EIF4E2: variants seen among roughly 807,000 people sequenced by gnomAD.
The protein encoded by EIF4E2 is eukaryotic translation initiation factor 4E type 2.
EIF4E2 carries 13 observed loss-of-function variants against 34.2 expected under a neutral mutation model. That is an observed-to-expected ratio of 0.38 (90% confidence interval 0.25 to 0.60). The LOEUF (loss-of-function observed/expected upper bound fraction) is 0.60, where lower values mean the gene tolerates loss of function less well. EIF4E2 is among the 20% of genes least tolerant of loss of function. The pLI is 0.62. For synonymous variants in EIF4E2, 100 were observed against 106.6 expected, an observed-to-expected ratio of 0.94 and a Z score of 0.38; for missense variants, 222 against 315.1, an observed-to-expected ratio of 0.70 and a Z score of 2.24.
Position 232,576,851 on chromosome 2 carries a change from T to C in EIF4E2, c.666-4053T>C, listed in dbSNP as rs572908800. ...CTCTCCCTTTTCTTTTTCCTCCAAA[T>C]AGATTGTGATCTATGAAGAAATTTG... On this transcript the variant is annotated intron_variant, in intron 6 of 6. Coordinates refer to the EIF4E2 transcript ENST00000409098. Among the ~76,000 whole-genome samples the C allele has an allele frequency of 3.9e-5, 6 of 152,344 alleles. No homozygotes were observed. In the South Asian group the frequency reaches 1.2e-3, roughly 32 times the overall value.
intron 1 of EIF4E2, among the ~76,000 whole-genome samples, chr2:232,555,173 C>G (rs946021256): frequency 7.2e-5 from 11 of 152,178 alleles, no homozygotes; most frequent in Non-Finnish European, 2.9e-5. Context: ...ATACAAAGTA[C>G]CCTGCAACAT....
At chr2:232,576,080 T>C (rs940626446) in intron 6 of EIF4E2, among the ~76,000 whole-genome samples, 28 of 152,216 alleles carry the variant, frequency 1.8e-4, no homozygotes, top group Middle Eastern at 3.4e-3. Flanking sequence ...GGCACACACC[T>C]GTTGTCCCAG....
At position 232,566,381 on chromosome 2, in the gene EIF4E2, G is replaced by A. The variant is rs1330844536; in HGVS notation, c.376-448G>A. Among the ~76,000 whole-genome samples, 4 of 152,130 alleles carry A rather than the reference G, an allele frequency of 2.6e-5. No homozygotes were observed. Among genetic ancestry groups the A allele is most frequent in the Admixed American group, 2.0e-4 (3 of 15,278 alleles). On this transcript the variant is annotated intron_variant, in intron 4 of 6. Coordinates refer to ENST00000258416, the MANE Select transcript of EIF4E2 (RefSeq NM_004846.4). The surrounding 1 kb of genome is among the most constrained non-coding windows in gnomAD (Gnocchi z 4.9). ...TTGTTTTTGTATTTTTAGTAGAGAC[G>A]CGGTTTCACCGTGTCAGCCAGGATG... is the stretch of plus-strand genomic sequence containing the variant.
chr2:232,554,068 CAGA>C (rs780842766), intron 1 of EIF4E2, among the ~76,000 whole-genome samples: 3 of 152,258 alleles, frequency 2.0e-5, no homozygotes, highest in Non-Finnish European at 4.4e-5. Context: ...TGGGCCTAAG[CAGA>C]AGAACCTTTG....
chr2:232,555,399 G>C (rs1559312670), intron 1 of EIF4E2, among the ~76,000 whole-genome samples: 1 of 152,184 alleles, frequency 6.6e-6, no homozygotes, highest in Non-Finnish European at 1.5e-5. Flanking sequence ...CTTTTTGTCT[G>C]GATCCGGTGA....
At chr2:232,583,027 TAGTC>T (rs1270646500) in exon 7 of EIF4E2, 1 of 152,196 alleles carries the variant, frequency 6.6e-6, no homozygotes, top group East Asian at 1.9e-4. Flanking sequence ...GGAGATTAAA[TAGTC>T]AGTTTATCTA....
intron 1 of EIF4E2, among the ~76,000 whole-genome samples, chr2:232,554,258 A>C (rs978582556): frequency 6.6e-6 from 1 of 152,236 alleles, no homozygotes; most frequent in African/African-American, 2.4e-5. Flanking sequence ...CAAGTTAACT[A>C]GGCAAAGAAG....
intron 6 of EIF4E2, chr2:232,567,708 AGTGT>A (rs1574671795): frequency 1.0e-6 from 1 of 996,174 alleles, no homozygotes; most frequent in East Asian, 1.1e-4. Context: ...GAAGGGGGAT[AGTGT>A]GTGTGTGAGA....
chr2:232,569,338 A>G (rs927149362), downstream of EIF4E2: 1 of 937,280 alleles, frequency 1.1e-6, no homozygotes, highest in Non-Finnish European at 1.4e-6. Context: ...CCTCATTTCC[A>G]TAAGCCCATT....
chr2:232,556,240 G>A lies in EIF4E2; in HGVS notation c.21-176G>A, dbSNP rs919117342. On this transcript the variant is annotated intron_variant, in intron 1 of 6. Coordinates refer to ENST00000258416, the MANE Select transcript of EIF4E2 (RefSeq NM_004846.4). ...TCACAAGTTAGCTGATGGGTGTTTC[G>A]TTTTTGTTTAATCCTAATTTGCCTG... Among the ~76,000 whole-genome samples the A allele has an allele frequency of 4.6e-5, 7 of 152,272 alleles. No individual in the cohort carries two copies. In the South Asian group the frequency reaches 1.4e-3, roughly 32 times the overall value.
chr2:232,574,388 T>C, intron 6 of EIF4E2: 2 of 1,531,948 alleles, frequency 1.3e-6, no homozygotes, highest in Non-Finnish European at 1.8e-6. Context: ...ATACCTCTCA[T>C]CCATAGGACC....
chr2:232,573,438 TC>T (rs1346138307), downstream of EIF4E2, among the ~76,000 whole-genome samples: 7 of 152,150 alleles, frequency 4.6e-5, no homozygotes, highest in Non-Finnish European at 8.8e-5. Context: ...AGGTAGGAAA[TC>T]AGCTCCCCTG....
rs565190729 is a variant in EIF4E2 at position 232,550,692 on chromosome 2, C to A, written c.-33C>A. ...GGGACCCGGTGGAGCGGAAGTCACT[C>A]CCTGAGGCAGTGGCGACAGCGGCGG... On this transcript the variant is annotated 5_prime_UTR_variant, in exon 1 of 7. Coordinates refer to ENST00000258416, the MANE Select transcript of EIF4E2 (RefSeq NM_004846.4). 3.8e-6 allele frequency: 6 copies of A among 1,581,744 alleles called. No individual in the cohort carries two copies. The East Asian group carries it at 1.2e-4, about 31-fold the overall frequency.
intron 6 of EIF4E2, among the ~76,000 whole-genome samples, chr2:232,576,544 G>A (rs925134571): frequency 5.3e-5 from 8 of 152,104 alleles, no homozygotes; most frequent in Admixed American, 3.3e-4. Flanking sequence ...GAGAACACTC[G>A]TGGTTCAGGT....
chr2:232,574,412 A>G, intron 6 of EIF4E2: 1 of 1,480,866 alleles, frequency 6.8e-7, no homozygotes, highest in Admixed American at 2.0e-5. Context: ...CTTCCCATTT[A>G]CCCCCAAACT....
chr2:232,579,216 C>G (rs1375810342), intron 6 of EIF4E2, among the ~76,000 whole-genome samples: 1 of 151,592 alleles, frequency 6.6e-6, no homozygotes, highest in East Asian at 1.9e-4. Flanking sequence ...GTTCCTTATC[C>G]TTTGCTAGCT....
At position 232,567,203 on chromosome 2, in the gene EIF4E2, C is replaced by T. The variant is rs150475278; in HGVS notation, c.654C>T (p.Thr218=). 7.5e-5 allele frequency: 121 copies of T among 1,614,130 alleles called. 1 individual carries two copies. In the African/African-American group the frequency reaches 1.3e-3, roughly 18 times the overall value. ...PNTIMEYKTH[T]DSIKMPGRLG... ...CCATTATGGAATACAAAACTCACAC[C>T]GACAGCATCAAGTACGTGTTGGGGG... Residue 218 remains threonine, a synonymous_variant, in exon 6 of 7, where the codon ACC becomes ACT. Coordinates refer to ENST00000258416, the MANE Select transcript of EIF4E2 (RefSeq NM_004846.4).
At position 232,566,026 on chromosome 2, in the gene EIF4E2, A is replaced by G. The variant is rs2106247529; in HGVS notation, c.376-803A>G. Among the ~76,000 whole-genome samples, 1 of 151,944 alleles carries G rather than the reference A, an allele frequency of 6.6e-6. No homozygotes were observed. The highest frequency in any genetic ancestry group is 1.5e-5 in the Non-Finnish European group (1 of 67,958). On this transcript the variant is annotated intron_variant, in intron 4 of 6. Coordinates refer to ENST00000258416, the MANE Select transcript of EIF4E2 (RefSeq NM_004846.4). This position sits in a 1 kb window ranked among gnomAD's most constrained non-coding sequence, Gnocchi z 4.9. ...AGAATCGCTTGAACCCAAGAGGCAG[A>G]AGTGGCAGTGAGCCGATATCGCACC...
exon 7 of EIF4E2, chr2:232,583,176 C>G (rs1164263289): frequency 6.6e-6 from 1 of 152,164 alleles, no homozygotes. Flanking sequence ...AAAGGTCTAC[C>G]AGGGCCAACG....
Sources: gnomAD v4.1 joint callset for allele counts (sites outside exome capture counted in the v4.1 genomes callset) on GRCh38, gnomAD v4.1.1 for gene constraint, Gnocchi (gnomAD v3.1) non-coding constraint, MANE v1.5 for transcripts, NCBI Gene and HGNC (gene_info 2026-07-23, HGNC 2026-07-21) for gene names.